Variants in FXYD5 observed in about 807,000 individuals in gnomAD.
FXYD5 encodes FXYD domain containing ion transport regulator 5.
Under a neutral mutation model 25.7 loss-of-function variants are expected in FXYD5, and 21 were observed. That is an observed-to-expected ratio of 0.82 (90% CI 0.58 to 1.18). The LOEUF is 1.18. Ranked by LOEUF, FXYD5 falls within the 50% of genes most tolerant of loss-of-function variation. The pLI, the probability that FXYD5 is intolerant of heterozygous loss-of-function variation, is 0.00. For synonymous variants in FXYD5, 101 were observed against 90.7 expected (o/e 1.11, Z -0.64); for missense variants, 229 against 227.7 (o/e 1.01, Z -0.04).
At chr19:35,164,846 G>C (rs1211996986) in intron 6 of FXYD5, among the ~76,000 whole-genome samples, 2 of 152,156 alleles carry the variant, frequency 1.3e-5, no homozygotes, top group African/African-American at 4.8e-5. Context: ...CTAGTGGTAA[G>C]AGAAACACAA....
At position 35,158,494 on chromosome 19, in the gene FXYD5, C is replaced by T; in HGVS notation, c.199+94C>T. On this transcript the variant is annotated intron_variant, in intron 4 of 8. Transcript: ENST00000392219. ...ACTATAGGTCTTTGGTTGCCCATTT[C>T]AGTCCCTACTCCCAGCTCTGAATGC... 3.8e-6 allele frequency: 3 copies of T among 788,820 alleles called. No homozygotes were observed. In the East Asian group the frequency reaches 7.5e-5, roughly 20 times the overall value. The allele number at this position is 788,820 out of a possible 1,614,324, so 48.9% of individuals were successfully genotyped here. A position where few individuals can be genotyped will look rare whatever the true frequency, so the allele number is the denominator to read the frequency against.
chr19:35,159,453 G>A lies in FXYD5; in HGVS notation c.199+1053G>A, dbSNP rs1420760461. On this transcript the variant is annotated intron_variant, in intron 4 of 8. Coordinates refer to ENST00000392219, the MANE Select transcript of FXYD5 (RefSeq NM_014164.6). ...TCTTCGTGCAGTCGTATGTTTGGAA[G>A]TTCTTCTCACATCACTGCATAAAGA... 19 of 1,536,582 alleles carry A rather than the reference G, an allele frequency of 1.2e-5. No homozygotes were observed. The East Asian group carries it at 3.2e-4, about 26-fold the overall frequency.
chr19:35,162,252 G>A (rs2065413000), intron 5 of FXYD5, among the ~76,000 whole-genome samples: 1 of 152,164 alleles, frequency 6.6e-6, no homozygotes, highest in African/African-American at 2.4e-5. Flanking sequence ...AGCCCCCAGG[G>A]CCTCTCTTCC....
At chr19:35,168,272 T>G (rs2065468367) in intron 8 of FXYD5, among the ~76,000 whole-genome samples, 1 of 152,074 alleles carries the variant, frequency 6.6e-6, no homozygotes, top group Non-Finnish European at 1.5e-5. Flanking sequence ...AGCTCACATC[T>G]GGTCGAAGAT....
chr19:35,165,815 G>A (rs1399709571), intron 6 of FXYD5, among the ~76,000 whole-genome samples: 9 of 152,138 alleles, frequency 5.9e-5, no homozygotes, highest in Admixed American at 5.9e-4. Flanking sequence ...GGGCCCCACT[G>A]GGAAGGGAGT....
At chr19:35,157,550 C>G in intron 3 of FXYD5, 49 bp downstream of exon 3, 1 of 957,422 alleles carries the variant, frequency 1.0e-6, no homozygotes, top group Admixed American at 1.8e-5. Context: ...CAAATAACAA[C>G]AGCAACAAAA....
chr19:35,159,784 C>A, intron 4 of FXYD5: 1 of 1,046,468 alleles, frequency 9.6e-7, no homozygotes, highest in Non-Finnish European at 1.3e-6. Context: ...CTGTGAGTAA[C>A]TGGTTCAAGG....
At chr19:35,155,953 C>T (rs945924372) in intron 2 of FXYD5, among the ~76,000 whole-genome samples, 3 of 152,172 alleles carry the variant, frequency 2.0e-5, no homozygotes, top group Non-Finnish European at 4.4e-5. Flanking sequence ...CCCAGAGTCC[C>T]CAGGCATTAC....
At chr19:35,159,776 G>A (rs746671912) in intron 4 of FXYD5, 23 of 1,106,690 alleles carry the variant, frequency 2.1e-5, no homozygotes, top group Non-Finnish European at 2.7e-5. Context: ...AACAGAGGCT[G>A]TGAGTAACTG....
chr19:35,157,607 A>G (rs1281230720), intron 3 of FXYD5, 106 bp downstream of exon 3: 1 of 667,110 alleles, frequency 1.5e-6, no homozygotes, highest in Non-Finnish European at 2.7e-6. Flanking sequence ...TTATGTAACG[A>G]AAAAGTCCAG....
At chr19:35,157,879 G>C (rs1372650246) in intron 3 of FXYD5, among the ~76,000 whole-genome samples, 1 of 152,162 alleles carries the variant, frequency 6.6e-6, no homozygotes, top group Non-Finnish European at 1.5e-5. Flanking sequence ...CCCTGAGCTG[G>C]CCACTGTGGC....
In FXYD5 at chr19:35,158,416, G is replaced by T. The variant is rs1324381973; in HGVS notation, c.199+16G>T. On this transcript the variant is annotated intron_variant, in intron 4 of 8. Coordinates refer to ENST00000392219, the MANE Select transcript of FXYD5 (RefSeq NM_014164.6). ...CCTGCTGATGGTGAGTAGTGCAGGG[G>T]CAGGCGGCGGGGACAGGACCAAGAC... 1 of 1,512,264 alleles carries T rather than the reference G, an allele frequency of 6.6e-7. No homozygotes were observed. The highest frequency in any genetic ancestry group is 2.3e-5 in the East Asian group (1 of 44,342). The allele number at this position is 1,512,264 out of a possible 1,614,324, so 93.7% of individuals were successfully genotyped here.
At chr19:35,166,601 G>T in intron 8 of FXYD5, 1 of 442,752 alleles carries the variant, frequency 2.3e-6, no homozygotes, top group South Asian at 6.5e-5. Context: ...TTGTGGGTCA[G>T]CAGGAAACTT....
At chr19:35,155,698 T>C in intron 2 of FXYD5, 87 bp downstream of exon 2, 1 of 917,262 alleles carries the variant, frequency 1.1e-6, no homozygotes, top group Admixed American at 1.8e-5. Context: ...GGTTGGCCCG[T>C]GTGAACGTTG....
At chr19:35,163,347 G>A (rs1024996817) in intron 5 of FXYD5, among the ~76,000 whole-genome samples, 1 of 151,722 alleles carries the variant, frequency 6.6e-6, no homozygotes, top group Non-Finnish European at 1.5e-5. Flanking sequence ...TGAGGCCTCC[G>A]ATGTGGTGTG....
At chr19:35,158,480 T>C in intron 4 of FXYD5, 80 bp downstream of exon 4, 3 of 884,924 alleles carry the variant, frequency 3.4e-6, no homozygotes, top group South Asian at 1.3e-5. Context: ...CTATAGGTCT[T>C]TGGTTGCCCA....
rs574000332 is a variant in FXYD5, at chr19:35,169,735, G to C, written c.*120G>C. The C allele has an allele frequency of 3.5e-5, 25 of 712,024 alleles. No individual in the cohort carries two copies. Among genetic ancestry groups the C allele is most frequent in the Non-Finnish European group, 5.5e-5 (22 of 397,682 alleles). The allele number at this position is 712,024 out of a possible 1,614,324, so 44.1% of individuals were successfully genotyped here. On this transcript the variant is annotated 3_prime_UTR_variant, in exon 9 of 9. Coordinates refer to ENST00000392219, the MANE Select transcript of FXYD5 (RefSeq NM_014164.6). ...AGCCTGGCCAGAGAGGGAAGACACAGATGATGAAGCTGGAGCCAGGGCTGC... is the reference window on the plus strand; with the variant it reads ...AGCCTGGCCAGAGAGGGAAGACACACATGATGAAGCTGGAGCCAGGGCTGC...
intron 4 of FXYD5, among the ~76,000 whole-genome samples, chr19:35,160,318 C>G (rs547051859): frequency 2.4e-4 from 37 of 152,290 alleles, no homozygotes; most frequent in Non-Finnish European, 4.4e-4. Context: ...TACAGTGACA[C>G]TTGGTATACT....
intron 5 of FXYD5, among the ~76,000 whole-genome samples, chr19:35,161,046 G>A (rs968676694): frequency 6.6e-6 from 1 of 152,152 alleles, no homozygotes; most frequent in Non-Finnish European, 1.5e-5. Flanking sequence ...ATCCCCAAGG[G>A]GCAGCGTGCA....
Sources: gnomAD v4.1 joint callset for allele counts (sites outside exome capture counted in the v4.1 genomes callset) on GRCh38, gnomAD v4.1.1 for gene constraint, MANE v1.5 for transcripts, NCBI Gene and HGNC (gene_info 2026-07-23, HGNC 2026-07-21) for gene names.